C9orf85: variants seen among roughly 807,000 people sequenced by gnomAD.
C9orf85 encodes the protein chromosome 9 open reading frame 85, also known as uncharacterized protein C9orf85.
A neutral mutation model predicts 14.9 loss-of-function variants in C9orf85; 16 were observed. The observed-to-expected ratio is 1.08, with a 90% CI of 0.73 to 1.63. The LOEUF is 1.63. Among genes scored for constraint, C9orf85 ranks in the 40% most tolerant of loss-of-function variants. The pLI is 0.00. For synonymous variants in C9orf85, 45 were observed against 56.8 expected (o/e 0.79, Z 0.93); for missense variants, 172 against 186.1 (o/e 0.92, Z 0.44).
chr9:71,971,199 T>A (rs913876443), intron 2 of C9orf85, among the ~76,000 whole-genome samples: 24 of 152,220 alleles, frequency 1.6e-4, no homozygotes, highest in African/African-American at 5.8e-4. Context: ...TTTGGTAGAT[T>A]GTTTCTTGGT....
At chr9:71,926,305 C>T (rs1476559275) in intron 1 of C9orf85, among the ~76,000 whole-genome samples, 2 of 152,112 alleles carry the variant, frequency 1.3e-5, no homozygotes, top group South Asian at 2.1e-4. Context: ...ATGTCCCTAT[C>T]GAGCACTTGA....
intron 1 of C9orf85, among the ~76,000 whole-genome samples, chr9:71,939,145 G>A (rs1297945813): frequency 6.6e-6 from 1 of 151,090 alleles, no homozygotes; most frequent in Non-Finnish European, 1.5e-5. Context: ...ATCTGTAGAG[G>A]TATTTTTCAT....
chr9:71,977,211 T>G (rs944271262), downstream of C9orf85, among the ~76,000 whole-genome samples: 19 of 84,362 alleles, frequency 2.3e-4, no homozygotes, highest in Non-Finnish European at 4.2e-4. Context: ...AAGTTTCTTT[T>G]GTTGTAAAAA....
chr9:71,946,491 G>A (rs1589258857), intron 1 of C9orf85, among the ~76,000 whole-genome samples: 1 of 152,080 alleles, frequency 6.6e-6, no homozygotes, highest in African/African-American at 2.4e-5. Flanking sequence ...CAATGGGAAG[G>A]TTAAAAATTT....
At chr9:71,976,526 G>A (rs1311795242), downstream of C9orf85, among the ~76,000 whole-genome samples, 1 of 152,044 alleles carries the variant, frequency 6.6e-6, no homozygotes. Flanking sequence ...GCCGGGCGTG[G>A]TGGCGGGCGC....
At chr9:71,927,140 C>G (rs1827949131) in intron 1 of C9orf85, among the ~76,000 whole-genome samples, 1 of 151,124 alleles carries the variant, frequency 6.6e-6, no homozygotes, top group Non-Finnish European at 1.5e-5. Flanking sequence ...CATCTATTAT[C>G]ATAAAAAGTA....
chr9:71,986,040 CTT>C (rs1823206694), downstream of C9orf85: 1 of 152,142 alleles, frequency 6.6e-6, no homozygotes. Flanking sequence ...ATAAAATACT[CTT>C]TAGCAATAAA....
At chr9:71,925,663 G>A (rs2132263611) in intron 1 of C9orf85, among the ~76,000 whole-genome samples, 1 of 152,310 alleles carries the variant, frequency 6.6e-6, no homozygotes. Flanking sequence ...AGCTGAAAGA[G>A]ACTGTTTTAA....
In C9orf85 at chr9:71,951,900, G is replaced by A. The variant is rs77082174; in HGVS notation, c.209+4788G>A. On this transcript the variant is annotated intron_variant, in intron 2 of 3. Coordinates refer to ENST00000334731, the MANE Select transcript of C9orf85 (RefSeq NM_182505.5). ...AGTAATGCCTATGAAAAAAATAAAC[G>A]TAAAAATATATTAAATAATTTGTAT... is the stretch of plus-strand genomic sequence containing the variant. Among the ~76,000 whole-genome samples the A allele has an allele frequency of 2.9e-4, 44 of 151,624 alleles. No homozygotes were observed. The East Asian group carries it at 7.7e-3, about 27-fold the overall frequency.
intron 1 of C9orf85, chr9:71,918,512 T>G: frequency 8.6e-7 from 1 of 1,163,726 alleles, no homozygotes; most frequent in Middle Eastern, 2.3e-4. Flanking sequence ...CATCGGTCCA[T>G]GGCCTGTCAG....
intron 1 of C9orf85, among the ~76,000 whole-genome samples, chr9:71,924,051 G>C (rs1827875818): frequency 6.6e-6 from 1 of 152,156 alleles, no homozygotes; most frequent in Non-Finnish European, 1.5e-5. Context: ...CATTCCAAAA[G>C]ATCCTCTTAA....
intron 2 of C9orf85, among the ~76,000 whole-genome samples, chr9:71,952,824 A>C (rs962212216): frequency 2.0e-5 from 3 of 152,112 alleles, no homozygotes; most frequent in African/African-American, 7.2e-5. Context: ...GTGGCAGACG[A>C]ATACCCCCAT....
At chr9:71,917,905 G>A (rs77208417) in intron 1 of C9orf85, among the ~76,000 whole-genome samples, 2,428 of 152,288 alleles carry the variant, frequency 0.016, 31 homozygotes, top group Middle Eastern at 0.051. Context: ...CAAGAAGGCT[G>A]GGCACAGTGG....
At chr9:71,952,526 G>A (rs1430452618) in intron 2 of C9orf85, among the ~76,000 whole-genome samples, 2 of 151,956 alleles carry the variant, frequency 1.3e-5, no homozygotes, top group Non-Finnish European at 2.9e-5. Flanking sequence ...CACCACACCC[G>A]GCTAATTTTT....
At chr9:71,959,135 C>T (rs1004408067) in intron 2 of C9orf85, among the ~76,000 whole-genome samples, 9 of 145,152 alleles carry the variant, frequency 6.2e-5, no homozygotes, top group African/African-American at 2.3e-4. Flanking sequence ...ACATTTTCTT[C>T]TTTTTTTTTT....
At chr9:71,967,513 C>T (rs1033473629) in intron 2 of C9orf85, among the ~76,000 whole-genome samples, 8 of 152,006 alleles carry the variant, frequency 5.3e-5, no homozygotes, top group Middle Eastern at 3.2e-3. Context: ...TTTTCTTATA[C>T]AAAGTAATTA....
intron 2 of C9orf85, among the ~76,000 whole-genome samples, chr9:71,968,097 T>TAGAGAGAGAG (rs779158859): frequency 1.9e-4 from 7 of 37,258 alleles, no homozygotes; most frequent in Admixed American, 6.3e-4. Context: ...CATATATATA[T>TAGAGAGAGAG]ATATAGAGAG....
chr9:71,947,909 G>C (rs1247326618), intron 2 of C9orf85, among the ~76,000 whole-genome samples: 1 of 152,192 alleles, frequency 6.6e-6, no homozygotes, highest in Non-Finnish European at 1.5e-5. Flanking sequence ...GCCTCCCAAA[G>C]TGCTGGGATT....
At chr9:71,968,330 T>C (rs1379930648) in intron 2 of C9orf85, among the ~76,000 whole-genome samples, 1 of 152,116 alleles carries the variant, frequency 6.6e-6, no homozygotes, top group Non-Finnish European at 1.5e-5. Context: ...TCCTATTTGT[T>C]TTTCTGGAAG....
Sources: gnomAD v4.1 joint callset for allele counts (sites outside exome capture counted in the v4.1 genomes callset) on GRCh38, gnomAD v4.1.1 for gene constraint, MANE v1.5 for transcripts, NCBI Gene and HGNC (gene_info 2026-07-23, HGNC 2026-07-21) for gene names.